The following DAB1 variants were observed in gnomAD, a reference collection of about 807,000 sequenced individuals.
DAB1 encodes the protein DAB adaptor protein 1.
In DAB1, 15 loss-of-function variants were observed where a neutral mutation model predicts 64.6. The ratio of observed to expected loss-of-function variants is 0.23; its 90% CI spans 0.16 to 0.36. The LOEUF (loss-of-function observed/expected upper bound fraction) is 0.36, where lower values mean the gene tolerates loss of function less well. DAB1 is among the 10% of genes least tolerant of loss of function. DAB1 has a pLI of 1.00. For synonymous variants in DAB1, 235 were observed against 251.9 expected (o/e 0.93, Z 0.64); for missense variants, 596 against 706.7 (o/e 0.84, Z 1.78).
At chr1:58,507,929 T>C (rs1269608270) in intron 2 of DAB1, among the ~76,000 whole-genome samples, 1 of 152,172 alleles carries the variant, frequency 6.6e-6, no homozygotes, top group Non-Finnish European at 1.5e-5. Flanking sequence ...GATAAACATT[T>C]GAATGGACTA....
intron 4 of DAB1, among the ~76,000 whole-genome samples, chr1:57,133,173 T>C (rs963997628): frequency 6.6e-6 from 1 of 152,212 alleles, no homozygotes; most frequent in African/African-American, 2.4e-5. Context: ...CACGTTTCTG[T>C]GGCAACAAGG....
intron 1 of DAB1, among the ~76,000 whole-genome samples, chr1:57,316,107 G>A (rs1228583066): frequency 1.3e-5 from 2 of 152,196 alleles, no homozygotes; most frequent in African/African-American, 4.8e-5. Context: ...AACCAGTGCT[G>A]TGTCTACATT....
At chr1:58,026,075 G>A (rs1275183314) in intron 5 of DAB1, among the ~76,000 whole-genome samples, 1 of 152,090 alleles carries the variant, frequency 6.6e-6, no homozygotes, top group Non-Finnish European at 1.5e-5. Context: ...TTGTGTGCTT[G>A]TCTCCCTCAA....
At chr1:57,499,292 GAGGA>G (rs1644263946) in intron 7 of DAB1, among the ~76,000 whole-genome samples, 1 of 152,172 alleles carries the variant, frequency 6.6e-6, no homozygotes, top group South Asian at 2.1e-4. Context: ...ATGTTTAATG[GAGGA>G]AGGTGAAAGA....
At chr1:57,164,789 G>C (rs919348954) in intron 2 of DAB1, among the ~76,000 whole-genome samples, 1 of 152,106 alleles carries the variant, frequency 6.6e-6, no homozygotes, top group African/African-American at 2.4e-5. Context: ...CAGAGGCTCT[G>C]CTTACTCATT....
At chr1:57,142,655 G>T (rs917064744) in intron 3 of DAB1, among the ~76,000 whole-genome samples, 3 of 142,612 alleles carry the variant, frequency 2.1e-5, no homozygotes, top group African/African-American at 8.1e-5. Flanking sequence ...CACACGGTTG[G>T]CAGCCATTGC....
chr1:57,899,086 G>T (rs984226835), intron 5 of DAB1, among the ~76,000 whole-genome samples: 1 of 151,908 alleles, frequency 6.6e-6, no homozygotes, highest in Non-Finnish European at 1.5e-5. Context: ...CGATAAATGG[G>T]TTTTTTCATA....
At chr1:57,372,502 T>A (rs1680579048) in intron 1 of DAB1, among the ~76,000 whole-genome samples, 1 of 152,212 alleles carries the variant, frequency 6.6e-6, no homozygotes, top group African/African-American at 2.4e-5. Context: ...AAGGATCTGC[T>A]TATGATTGAG....
intron 1 of DAB1, among the ~76,000 whole-genome samples, chr1:57,391,812 C>CAGAG (rs796284038): frequency 1.7e-3 from 235 of 141,794 alleles, no homozygotes; most frequent in African/African-American, 5.7e-3. Context: ...CACACACACA[C>CAGAG]AGAGAGAGGA....
downstream of DAB1, among the ~76,000 whole-genome samples, chr1:57,825,120 A>G (rs1652287834): frequency 1.3e-5 from 2 of 152,192 alleles, no homozygotes; most frequent in South Asian, 4.1e-4. Flanking sequence ...TTCATTGAAG[A>G]TCTTTACAAT....
At chr1:57,828,324 T>C (rs1015097486) in intron 1 of DAB1, among the ~76,000 whole-genome samples, 1 of 152,248 alleles carries the variant, frequency 6.6e-6, no homozygotes, top group Admixed American at 6.5e-5. Context: ...TGCTTATAAA[T>C]GGTAAATCTG....
At chr1:57,627,671 AAGGAGATCTCTCCC>A (rs1241476354) in intron 7 of DAB1, among the ~76,000 whole-genome samples, 1 of 152,242 alleles carries the variant, frequency 6.6e-6, no homozygotes, top group East Asian at 1.9e-4. Flanking sequence ...GAAAATTGAA[AAGGAGATCTCTCCC>A]AGGTCTTATA....
At chr1:58,331,671 A>C (rs1662971622) in intron 4 of DAB1, among the ~76,000 whole-genome samples, 1 of 152,180 alleles carries the variant, frequency 6.6e-6, no homozygotes, top group Non-Finnish European at 1.5e-5. Context: ...AAAGATTAGG[A>C]TTTGCTGAAG....
chr1:57,412,794 T>C (rs1684209716), intron 1 of DAB1, among the ~76,000 whole-genome samples: 1 of 152,224 alleles, frequency 6.6e-6, no homozygotes, highest in African/African-American at 2.4e-5. Context: ...AAGTGCAAGG[T>C]GAAGCAGTAA....
At chr1:57,574,401 T>A (rs1256680457) in intron 7 of DAB1, among the ~76,000 whole-genome samples, 1 of 152,196 alleles carries the variant, frequency 6.6e-6, no homozygotes, top group Non-Finnish European at 1.5e-5. Flanking sequence ...CAAGCATTTA[T>A]TGAATTTCCA....
intron 5 of DAB1, among the ~76,000 whole-genome samples, chr1:58,070,164 G>A (rs972619432): frequency 5.9e-5 from 9 of 152,166 alleles, no homozygotes; most frequent in Non-Finnish European, 8.8e-5. Context: ...ACTGTGATGC[G>A]GGGAGTGGCA....
At chr1:57,782,842 T>G (rs140597905) in intron 6 of DAB1, among the ~76,000 whole-genome samples, 2 of 152,256 alleles carry the variant, frequency 1.3e-5, no homozygotes, top group East Asian at 1.9e-4. Context: ...AATAAATAGA[T>G]TTATTTTCGT....
At chr1:57,499,542 G>A (rs943015728) in intron 7 of DAB1, among the ~76,000 whole-genome samples, 4 of 152,148 alleles carry the variant, frequency 2.6e-5, no homozygotes, top group African/African-American at 9.7e-5. Flanking sequence ...TGACCCTGCC[G>A]TGCAGGTATA....
At chr1:57,202,414 C>A (rs1330550561) in intron 2 of DAB1, among the ~76,000 whole-genome samples, 1 of 152,146 alleles carries the variant, frequency 6.6e-6, no homozygotes, top group Non-Finnish European at 1.5e-5. Flanking sequence ...ACATTGGAAT[C>A]TGGCAGTTCC....
Sources: allele counts gnomAD v4.1 joint callset (sites outside exome capture counted in the v4.1 genomes callset), GRCh38; gene constraint gnomAD v4.1.1; transcripts MANE v1.5; gene names NCBI Gene and HGNC (gene_info 2026-07-23, HGNC 2026-07-21).